Variants in SH3PXD2A observed in about 807,000 individuals in gnomAD.
The protein encoded by SH3PXD2A is SH3 and PX domain-containing protein 2A.
Under a neutral mutation model 115.2 loss-of-function variants are expected in SH3PXD2A, and 32 were observed. The observed-to-expected ratio is 0.28, with a 90% CI of 0.21 to 0.37. The LOEUF (loss-of-function observed/expected upper bound fraction) is 0.37, where lower values mean the gene tolerates loss of function less well. Among genes scored for constraint, SH3PXD2A ranks in the 10% least tolerant of loss-of-function variants. SH3PXD2A has a pLI of 1.00. For synonymous variants in SH3PXD2A, 610 were observed against 629.1 expected (o/e 0.97, Z 0.45); for missense variants, 1,328 against 1,498.7 (o/e 0.89, Z 1.88).
chr10:103,844,587 A>G (rs1842822437), intron 1 of SH3PXD2A, among the ~76,000 whole-genome samples: 1 of 152,232 alleles, frequency 6.6e-6, no homozygotes, highest in African/African-American at 2.4e-5. Flanking sequence ...ACCTTCTCAC[A>G]GAAGCCCCTG....
At chr10:103,634,276 C>T (rs1414552118) in intron 8 of SH3PXD2A, among the ~76,000 whole-genome samples, 1 of 152,184 alleles carries the variant, frequency 6.6e-6, no homozygotes. Context: ...GCCTTTGGAG[C>T]CAAGGAGAAA....
chr10:103,605,350 G>A (rs2036284207), intron 14 of SH3PXD2A, among the ~76,000 whole-genome samples: 1 of 152,192 alleles, frequency 6.6e-6, no homozygotes, highest in Non-Finnish European at 1.5e-5. Context: ...TCCTGGGAGA[G>A]AAAGCTTGTG....
At position 103,598,783 on chromosome 10, in the gene SH3PXD2A, G is replaced by A. The variant is rs2036173515; in HGVS notation, c.*3033C>T. On this transcript the variant is annotated 3_prime_UTR_variant, in exon 15 of 15. Transcript: ENST00000369774. ...GCCCTGGCTAGGGCTAGGAGGCCAGGCGCACAAGGCCTGGTACCCCCTGGC... is the reference window on the plus strand; with the variant it reads ...GCCCTGGCTAGGGCTAGGAGGCCAGACGCACAAGGCCTGGTACCCCCTGGC... 2 of 152,640 alleles carry A rather than the reference G, an allele frequency of 1.3e-5. No individual in the cohort carries two copies. The highest frequency in any genetic ancestry group is 2.1e-4 in the South Asian group (1 of 4,826). 9.5% of individuals were successfully genotyped at this position (152,640 alleles called of 1,614,324 possible).
chr10:103,596,506 CTG>C lies in SH3PXD2A; in HGVS notation c.*5308_*5309del, dbSNP rs2036133578. 6.6e-6 allele frequency: 1 copy of C among 152,600 alleles called. No homozygotes were observed. Among genetic ancestry groups the C allele is most frequent in the African/African-American group, 2.4e-5 (1 of 41,430 alleles). 9.5% of individuals were successfully genotyped at this position (152,600 alleles called of 1,614,324 possible). A position where few individuals can be genotyped will look rare whatever the true frequency, so the allele number is the denominator to read the frequency against. ...TGAATGACACACTTGCTGCCAGAAG[CTG>C]TGAGTCCCTTGGGACCTGCCCATTG... On this transcript the variant is annotated 3_prime_UTR_variant, in exon 15 of 15. Coordinates refer to ENST00000369774, the MANE Select transcript of SH3PXD2A (RefSeq NM_001394015.1).
At chr10:103,735,880 C>T (rs1040157831) in intron 3 of SH3PXD2A, 72 bp from the exon 4 acceptor site, 11 of 1,203,954 alleles carry the variant, frequency 9.1e-6, no homozygotes, top group Middle Eastern at 1.9e-4. Context: ...TTCCCCTCTC[C>T]CTTGGCTTCT....
intron 1 of SH3PXD2A, among the ~76,000 whole-genome samples, chr10:103,810,841 C>T (rs904909104): frequency 4.0e-5 from 6 of 150,256 alleles, no homozygotes; most frequent in African/African-American, 1.5e-4. Context: ...ACACACAACA[C>T]ACACACACAG....
chr10:103,815,556 C>G (rs1334479797), intron 1 of SH3PXD2A, among the ~76,000 whole-genome samples: 1 of 151,252 alleles, frequency 6.6e-6, no homozygotes, highest in East Asian at 1.9e-4. Context: ...ATGAATGAAC[C>G]TGGAGGACAT....
At chr10:103,742,159 A>C (rs1207977730) in intron 3 of SH3PXD2A, among the ~76,000 whole-genome samples, 1 of 152,110 alleles carries the variant, frequency 6.6e-6, no homozygotes, top group African/African-American at 2.4e-5. Flanking sequence ...ATCAAACAAC[A>C]ACCCAGGAAT....
chr10:103,729,467 T>A (rs2038287990), intron 4 of SH3PXD2A, among the ~76,000 whole-genome samples: 1 of 152,256 alleles, frequency 6.6e-6, no homozygotes, highest in Non-Finnish European at 1.5e-5. Context: ...TGATTGAGAC[T>A]TTCTAATAGA....
At chr10:103,835,290 G>A (rs2039526020) in intron 1 of SH3PXD2A, among the ~76,000 whole-genome samples, 1 of 152,240 alleles carries the variant, frequency 6.6e-6, no homozygotes, top group Non-Finnish European at 1.5e-5. Flanking sequence ...TCTGACGTGA[G>A]CTCGCAGGGG....
chr10:103,692,888 T>C (rs2037774770), intron 6 of SH3PXD2A, 140 bp downstream of exon 6: 1 of 689,472 alleles, frequency 1.5e-6, no homozygotes, highest in Non-Finnish European at 2.5e-6. Flanking sequence ...CGAGTACCCC[T>C]GGCCCGGCAG....
At chr10:103,607,392 C>T (rs1258298308) in intron 13 of SH3PXD2A, among the ~76,000 whole-genome samples, 2 of 151,824 alleles carry the variant, frequency 1.3e-5, no homozygotes, top group Non-Finnish European at 1.5e-5. Context: ...CCACCCCGTC[C>T]GGGAGGGAGG....
chr10:103,619,659 C>T (rs527860054), intron 10 of SH3PXD2A, among the ~76,000 whole-genome samples: 4 of 152,274 alleles, frequency 2.6e-5, no homozygotes, highest in South Asian at 4.2e-4. Flanking sequence ...AGACAGAATC[C>T]CGTGGGCCAT....
At chr10:103,760,434 G>A (rs2038687366) in intron 3 of SH3PXD2A, among the ~76,000 whole-genome samples, 1 of 152,192 alleles carries the variant, frequency 6.6e-6, no homozygotes, top group South Asian at 2.1e-4. Context: ...GCCAGGCATG[G>A]TGGCACGCAA....
intron 8 of SH3PXD2A, among the ~76,000 whole-genome samples, chr10:103,628,051 C>A (rs903974001): frequency 6.6e-6 from 1 of 152,214 alleles, no homozygotes; most frequent in African/African-American, 2.4e-5. Context: ...GGCCCCGTCA[C>A]CATCCACCGC....
rs563841187 is a variant in SH3PXD2A, at chr10:103,655,734, C to T, written c.604+5249G>A. Among the ~76,000 whole-genome samples the T allele has an allele frequency of 4.4e-4, 61 of 139,120 alleles. 1 individual carries two copies. The East Asian group carries it at 0.012, about 28-fold the overall frequency. The allele number at this position is 139,120 out of a possible 152,430, so 91.3% of individuals were successfully genotyped here. On this transcript the variant is annotated intron_variant, in intron 8 of 14. Coordinates refer to ENST00000369774, the MANE Select transcript of SH3PXD2A (RefSeq NM_001394015.1). ...GTTGCAGTGAGCCGAGATTGCACTA[C>T]TGCACTCCAGCCTGGGTGACAGAGC...
chr10:103,766,569 T>A (rs2038756684), intron 3 of SH3PXD2A, among the ~76,000 whole-genome samples: 1 of 152,144 alleles, frequency 6.6e-6, no homozygotes, highest in Admixed American at 6.5e-5. Flanking sequence ...TAAGACATCA[T>A]CAAAATAACA....
chr10:103,844,808 A>G (rs183345476), intron 1 of SH3PXD2A, among the ~76,000 whole-genome samples: 98 of 152,354 alleles, frequency 6.4e-4, no homozygotes, highest in African/African-American at 2.1e-3. Flanking sequence ...GCCAGAGGTT[A>G]TAAATCAAAG....
chr10:103,768,790 T>TGG (rs1208189705), intron 2 of SH3PXD2A, among the ~76,000 whole-genome samples: 1 of 152,120 alleles, frequency 6.6e-6, no homozygotes, highest in African/African-American at 2.4e-5. Context: ...GACCCAAGGC[T>TGG]GGGTAATTTA....
Sources: gnomAD v4.1 joint callset for allele counts (sites outside exome capture counted in the v4.1 genomes callset) on GRCh38, gnomAD v4.1.1 for gene constraint, MANE v1.5 for transcripts, NCBI Gene and HGNC (gene_info 2026-07-23, HGNC 2026-07-21) for gene names.